JAK2: variants seen among roughly 807,000 people sequenced by gnomAD.
JAK2 encodes Janus kinase 2.
Under a neutral mutation model 139.3 loss-of-function variants are expected in JAK2, and 86 were observed. The ratio of observed to expected loss-of-function variants is 0.62; its 90% CI spans 0.52 to 0.74. The LOEUF (loss-of-function observed/expected upper bound fraction) is 0.74, where lower values mean the gene tolerates loss of function less well. Ranked by LOEUF, JAK2 falls within the 30% of genes least tolerant of loss-of-function variation. The pLI, the probability that JAK2 is intolerant of heterozygous loss-of-function variation, is 0.00. For missense variants in JAK2, 1,421 were observed against 1,360.3 expected, an observed-to-expected ratio of 1.04 and a Z score of -0.70; for synonymous variants, 490 against 437.7, an observed-to-expected ratio of 1.12 and a Z score of -1.49.
intron 8 of JAK2, among the ~76,000 whole-genome samples, chr9:5,063,794 T>TA (rs1818353051): frequency 6.6e-6 from 1 of 152,258 alleles, no homozygotes; most frequent in South Asian, 2.1e-4. Context: ...AAAAATATAA[T>TA]ACGTCTATAT....
chr9:5,028,116 A>G (rs1822899648), intron 3 of JAK2, among the ~76,000 whole-genome samples: 1 of 152,232 alleles, frequency 6.6e-6, no homozygotes, highest in Admixed American at 6.5e-5. Flanking sequence ...TGTGACAGCC[A>G]TAACCTTACT....
intron 22 of JAK2, 44 bp downstream of exon 22, chr9:5,090,955 C>G: frequency 1.5e-6 from 2 of 1,300,152 alleles, no homozygotes; most frequent in Non-Finnish European, 2.1e-6. Context: ...AGAGCACAGA[C>G]TTCAAACTTT....
chr9:5,112,860 T>C (rs1586821374), intron 22 of JAK2: 1 of 464,048 alleles, frequency 2.2e-6, no homozygotes, highest in Non-Finnish European at 3.5e-6. Flanking sequence ...AAGGTACGCC[T>C]CCGTGGGACG....
intron 5 of JAK2, among the ~76,000 whole-genome samples, chr9:5,047,066 A>T (rs1817060154): frequency 6.6e-6 from 1 of 152,196 alleles, no homozygotes; most frequent in African/African-American, 2.4e-5. Flanking sequence ...TAATTCCACC[A>T]TATAATTCTA....
At position 5,069,209 on chromosome 9, in the gene JAK2, G is replaced by T. The variant is rs762808731; in HGVS notation, c.1513+1G>T. ...AAATGCTGTCCCCCAAAGCCAAAAG[G>T]TAAGATAATTTTCTAGTTATTTTTA... On this transcript the variant is annotated splice_donor_variant, in intron 11 of 24. Coordinates refer to ENST00000381652, the MANE Select transcript of JAK2 (RefSeq NM_004972.4). LOFTEE classifies it high-confidence loss of function. The T allele has an allele frequency of 1.3e-6, 2 of 1,591,672 alleles. No homozygotes were observed. The highest frequency in any genetic ancestry group is 1.7e-6 in the Non-Finnish European group (2 of 1,168,614).
chr9:5,089,879 A>T lies in JAK2; in HGVS notation c.2761+16A>T. On this transcript the variant is annotated intron_variant, in intron 20 of 24. Transcript: ENST00000381652. The stretch of plus-strand genomic sequence containing the variant: ...TACAGTGCTGGTAAGCTGCCCATTG[A>T]AACCTATTTTAAATTCAAGGTATGT... 7.0e-7 allele frequency: 1 copy of T among 1,438,394 alleles called. No individual in the cohort carries two copies. Among genetic ancestry groups the T allele is most frequent in the Non-Finnish European group, 9.1e-7 (1 of 1,093,644 alleles). The allele number at this position is 1,438,394 out of a possible 1,614,324, so 89.1% of individuals were successfully genotyped here.
intron 12 of JAK2, among the ~76,000 whole-genome samples, chr9:5,071,672 A>C (rs1423273294): frequency 2.6e-5 from 4 of 152,176 alleles, no homozygotes; most frequent in African/African-American, 9.6e-5. Context: ...CATGGAAGGC[A>C]AAATGAGAAA....
chr9:5,002,546 A>G (rs972114984), intron 2 of JAK2, among the ~76,000 whole-genome samples: 6 of 151,950 alleles, frequency 3.9e-5, no homozygotes, highest in African/African-American at 1.4e-4. Context: ...TTATGGACCA[A>G]CCTATGGTAT....
intron 19 of JAK2, among the ~76,000 whole-genome samples, chr9:5,082,066 G>GTAA (rs919032966): frequency 1.3e-5 from 2 of 152,208 alleles, no homozygotes; most frequent in African/African-American, 4.8e-5. Context: ...ACACCTGTGG[G>GTAA]TAATTCTCGT....
intron 2 of JAK2, among the ~76,000 whole-genome samples, chr9:5,019,091 T>G (rs1051331117): frequency 6.6e-6 from 1 of 152,198 alleles, no homozygotes; most frequent in Non-Finnish European, 1.5e-5. Flanking sequence ...TCTGAATGTC[T>G]AAATCTCTTG....
intron 4 of JAK2, among the ~76,000 whole-genome samples, chr9:5,032,167 A>G (rs1016216527): frequency 2.6e-5 from 4 of 152,198 alleles, no homozygotes; most frequent in Non-Finnish European, 5.9e-5. Context: ...CAGCAGTCTG[A>G]GATCAAACTG....
At chr9:5,017,802 TTTG>T (rs555352310) in intron 2 of JAK2, among the ~76,000 whole-genome samples, 140 of 152,306 alleles carry the variant, frequency 9.2e-4, no homozygotes, top group African/African-American at 3.2e-3. Context: ...ATTGCCAGGT[TTTG>T]TTGTTGTTGT....
intron 14 of JAK2, 137 bp downstream of exon 14, chr9:5,073,922 A>G (rs1819139009): frequency 3.2e-6 from 2 of 618,836 alleles, no homozygotes; most frequent in South Asian, 2.0e-5. Flanking sequence ...TTTGAAACTG[A>G]AAACACTGTA....
At chr9:5,023,682 T>C (rs1171517673) in intron 3 of JAK2, among the ~76,000 whole-genome samples, 2 of 152,248 alleles carry the variant, frequency 1.3e-5, no homozygotes, top group African/African-American at 4.8e-5. Flanking sequence ...TTTCGTCTCC[T>C]TCCTTGCTTT....
intron 22 of JAK2, among the ~76,000 whole-genome samples, chr9:5,092,815 A>AAGAT (rs1483372267): frequency 6.6e-6 from 1 of 152,204 alleles, no homozygotes; most frequent in African/African-American, 2.4e-5. Flanking sequence ...CTGGTTGTCC[A>AAGAT]AGATAGAATC....
At chr9:5,022,901 A>G (rs1486919856) in intron 3 of JAK2, among the ~76,000 whole-genome samples, 1 of 152,234 alleles carries the variant, frequency 6.6e-6, no homozygotes, top group African/African-American at 2.4e-5. Flanking sequence ...TGTAGAGGCA[A>G]ATTAAATGTC....
At chr9:5,031,526 T>G (rs1380850204) in intron 4 of JAK2, among the ~76,000 whole-genome samples, 1 of 152,072 alleles carries the variant, frequency 6.6e-6, no homozygotes, top group African/African-American at 2.4e-5. Flanking sequence ...TTGAATAAAA[T>G]TTTAGCTTCT....
At chr9:5,101,338 C>T (rs1289351002) in intron 22 of JAK2, among the ~76,000 whole-genome samples, 14 of 152,246 alleles carry the variant, frequency 9.2e-5, no homozygotes, top group South Asian at 4.1e-4. Context: ...GAGGGGCGTC[C>T]GCCATTGCTG....
At chr9:5,096,062 C>A (rs570028221) in intron 22 of JAK2, among the ~76,000 whole-genome samples, 1 of 152,268 alleles carries the variant, frequency 6.6e-6, no homozygotes, top group South Asian at 2.1e-4. Flanking sequence ...ATTACCCCAA[C>A]CATTATAGCT....
Sources: gnomAD v4.1 joint callset for allele counts (sites outside exome capture counted in the v4.1 genomes callset) on GRCh38, gnomAD v4.1.1 for gene constraint, MANE v1.5 for transcripts, NCBI Gene and HGNC (gene_info 2026-07-23, HGNC 2026-07-21) for gene names.